Variants in MACROD2 observed in about 807,000 individuals in gnomAD.
MACROD2 encodes ADP-ribose glycohydrolase MACROD2.
MACROD2 carries 36 observed loss-of-function variants against 70.4 expected under a neutral mutation model. The ratio of observed to expected loss-of-function variants is 0.51; its 90% CI spans 0.39 to 0.68. MACROD2 has a LOEUF of 0.68. MACROD2 is among the 30% of genes least tolerant of loss of function. MACROD2 has a pLI of 0.00. For synonymous variants in MACROD2, 172 were observed against 178.8 expected, an observed-to-expected ratio of 0.96 and a Z score of 0.30; for missense variants, 496 against 538.4, an observed-to-expected ratio of 0.92 and a Z score of 0.78.
At chr20:15,301,591 C>CTTTTTTTTTTGTTTTTTTTTTTTTTTTTT (rs2077643128) in intron 6 of MACROD2, among the ~76,000 whole-genome samples, 1 of 81,250 alleles carries the variant, frequency 1.2e-5, no homozygotes, top group Non-Finnish European at 2.4e-5. Context: ...GGTAGGTGGC[C>CTTTTTTTTTTGTTTTTTTTTTTTTTTTTT]TTTTTTTTTT....
At chr20:14,011,913 TTTC>T (rs1462761763) in intron 2 of MACROD2, among the ~76,000 whole-genome samples, 1 of 151,794 alleles carries the variant, frequency 6.6e-6, no homozygotes, top group African/African-American at 2.4e-5. Flanking sequence ...TATTGCGACT[TTTC>T]TTTTTTTTTA....
At chr20:16,030,905 T>C (rs2067143071) in intron 15 of MACROD2, among the ~76,000 whole-genome samples, 1 of 152,184 alleles carries the variant, frequency 6.6e-6, no homozygotes, top group Non-Finnish European at 1.5e-5. Flanking sequence ...GGTCAAACCA[T>C]GTTTTAAAAA....
chr20:15,159,225 A>G (rs778814053), intron 5 of MACROD2, among the ~76,000 whole-genome samples: 97 of 152,124 alleles, frequency 6.4e-4, no homozygotes, highest in Middle Eastern at 3.4e-3. Flanking sequence ...CCACTGGGGG[A>G]AAAATGTGTC....
intron 4 of MACROD2, among the ~76,000 whole-genome samples, chr20:14,618,063 A>T (rs1983583523): frequency 6.6e-6 from 1 of 152,110 alleles, no homozygotes; most frequent in African/African-American, 2.4e-5. Context: ...ATTTAACCAA[A>T]GCTCACTTTA....
intron 6 of MACROD2, among the ~76,000 whole-genome samples, chr20:15,323,907 G>T (rs2077898955): frequency 6.6e-6 from 1 of 152,064 alleles, no homozygotes; most frequent in Non-Finnish European, 1.5e-5. Context: ...ATGTAGCCAA[G>T]TTGGAGGCCC....
At chr20:15,267,296 C>T (rs149610859) in intron 6 of MACROD2, among the ~76,000 whole-genome samples, 5 of 152,244 alleles carry the variant, frequency 3.3e-5, no homozygotes, top group African/African-American at 9.6e-5. Flanking sequence ...GAAGGGTCCC[C>T]CAGAGGTCTC....
chr20:14,101,993 CTTTTTTTTTT>C (rs66890047), intron 3 of MACROD2, among the ~76,000 whole-genome samples: 25 of 25,054 alleles, frequency 1.0e-3, no homozygotes, highest in South Asian at 3.3e-3. Context: ...TTTAATGAGT[CTTTTTTTTTT>C]TTTTTTTTTT....
intron 8 of MACROD2, among the ~76,000 whole-genome samples, chr20:15,839,733 TAAC>T (rs2084571936): frequency 6.6e-6 from 1 of 152,174 alleles, no homozygotes; most frequent in African/African-American, 2.4e-5. Flanking sequence ...CTTTGGATAA[TAAC>T]AACACAAACA....
chr20:15,163,175 A>G (rs2076360184), intron 5 of MACROD2, among the ~76,000 whole-genome samples: 1 of 151,998 alleles, frequency 6.6e-6, no homozygotes, highest in African/African-American at 2.4e-5. Context: ...AAAAGACATA[A>G]GACTGGAAAA....
intron 6 of MACROD2, among the ~76,000 whole-genome samples, chr20:15,428,654 TCTA>T (rs1490203927): frequency 1.3e-5 from 2 of 152,202 alleles, no homozygotes; most frequent in Non-Finnish European, 2.9e-5. Context: ...ATCTTCATAA[TCTA>T]CTACTCTTTG....
At chr20:14,945,275 A>G (rs2074422384) in intron 5 of MACROD2, among the ~76,000 whole-genome samples, 1 of 151,768 alleles carries the variant, frequency 6.6e-6, no homozygotes, top group African/African-American at 2.4e-5. Flanking sequence ...CTGGGTTTTC[A>G]TCATATTTGC....
intron 3 of MACROD2, among the ~76,000 whole-genome samples, chr20:14,429,802 TA>T (rs1231742084): frequency 6.6e-6 from 1 of 152,106 alleles, no homozygotes; most frequent in African/African-American, 2.4e-5. Context: ...GGAAAGAATC[TA>T]TAGATCAATG....
intron 3 of MACROD2, among the ~76,000 whole-genome samples, chr20:14,161,185 CTTTTTCTTTTTTTTTTT>C (rs2055182040): frequency 7.2e-6 from 1 of 139,838 alleles, no homozygotes. Flanking sequence ...TCTTTTTTTT[CTTTTTCTTTTTTTTTTT>C]TTTTGAGATA....
At chr20:14,805,727 C>T (rs769795634) in intron 5 of MACROD2, among the ~76,000 whole-genome samples, 1 of 152,086 alleles carries the variant, frequency 6.6e-6, no homozygotes, top group Non-Finnish European at 1.5e-5. Context: ...TTTTCACACT[C>T]TATCCATACG....
At chr20:14,485,688 C>G (rs1325464491) in intron 3 of MACROD2, among the ~76,000 whole-genome samples, 1 of 61,998 alleles carries the variant, frequency 1.6e-5, no homozygotes, top group Non-Finnish European at 2.6e-5. Context: ...GGCAACAGAG[C>G]AAGACTCCGT....
intron 5 of MACROD2, among the ~76,000 whole-genome samples, chr20:14,803,278 G>A (rs765700468): frequency 1.3e-5 from 2 of 152,016 alleles, no homozygotes; most frequent in African/African-American, 4.8e-5. Flanking sequence ...AGAATTGAAG[G>A]GAAATACAGG....
At chr20:14,246,449 CA>C in intron 3 of MACROD2, among the ~76,000 whole-genome samples, 1 of 152,150 alleles carries the variant, frequency 6.6e-6, no homozygotes, top group African/African-American at 2.4e-5. Context: ...GAGAAAAATC[CA>C]GTCATCTCTG....
intron 6 of MACROD2, among the ~76,000 whole-genome samples, chr20:15,365,700 CAGAA>C (rs2045400029): frequency 6.6e-6 from 1 of 151,438 alleles, no homozygotes; most frequent in Admixed American, 6.6e-5. Context: ...TGTTTGTAAT[CAGAA>C]AGATCACTAA....
chr20:15,944,470 A>T (rs1568658462), intron 12 of MACROD2, among the ~76,000 whole-genome samples: 1 of 152,136 alleles, frequency 6.6e-6, no homozygotes, highest in East Asian at 1.9e-4. Context: ...TTTCAAATAT[A>T]ACAGTACATT....
Sources: allele counts gnomAD v4.1 joint callset (sites outside exome capture counted in the v4.1 genomes callset), GRCh38; gene constraint gnomAD v4.1.1; transcripts MANE v1.5; gene names NCBI Gene and HGNC (gene_info 2026-07-23, HGNC 2026-07-21).